The following PARD3 variants were observed in gnomAD, a reference collection of about 807,000 sequenced individuals.
PARD3 encodes partitioning defective 3 homolog.
In PARD3, 75 loss-of-function variants were observed where a neutral mutation model predicts 155.4. The ratio of observed to expected loss-of-function variants is 0.48; its 90% CI spans 0.40 to 0.58. PARD3 has a LOEUF of 0.58. PARD3 is among the 20% of genes least tolerant of loss of function. PARD3 has a pLI of 0.00. For synonymous variants in PARD3, 576 were observed against 610.5 expected (o/e 0.94, Z 0.83); for missense variants, 1,642 against 1,721.7 (o/e 0.95, Z 0.82).
At chr10:34,319,097 T>TTC (rs1564580211) in intron 19 of PARD3, among the ~76,000 whole-genome samples, 2 of 141,914 alleles carry the variant, frequency 1.4e-5, no homozygotes, top group Non-Finnish European at 3.0e-5. Flanking sequence ...TTTTTTTTTT[T>TTC]TCTTCTTCTT....
intron 2 of PARD3, among the ~76,000 whole-genome samples, chr10:34,631,680 T>C (rs897866920): frequency 6.6e-6 from 1 of 152,246 alleles, no homozygotes; most frequent in Non-Finnish European, 1.5e-5. Flanking sequence ...CTTGGCTTAC[T>C]ACAGCCTCAA....
chr10:34,574,888 C>T (rs1419064631), intron 2 of PARD3, among the ~76,000 whole-genome samples: 1 of 152,208 alleles, frequency 6.6e-6, no homozygotes, highest in Non-Finnish European at 1.5e-5. Context: ...GCTATTCTGG[C>T]ACTACTTGCA....
intron 22 of PARD3, among the ~76,000 whole-genome samples, chr10:34,214,243 C>G (rs913889537): frequency 6.6e-6 from 1 of 151,980 alleles, no homozygotes; most frequent in Admixed American, 6.6e-5. Context: ...AAGTAGAGTA[C>G]CTAAATTTAT....
chr10:34,148,985 A>G (rs186501332), intron 22 of PARD3, among the ~76,000 whole-genome samples: 12 of 152,334 alleles, frequency 7.9e-5, no homozygotes, highest in Admixed American at 7.2e-4. Flanking sequence ...ACCGTTGATC[A>G]TGACACATTT....
At chr10:34,557,877 T>C (rs2085133394) in intron 2 of PARD3, among the ~76,000 whole-genome samples, 1 of 149,280 alleles carries the variant, frequency 6.7e-6, no homozygotes, top group Admixed American at 6.8e-5. Context: ...GAGACTTCAA[T>C]GAGCTATGAT....
At chr10:34,469,952 G>A (rs1012268598) in intron 4 of PARD3, 133 bp downstream of exon 4, 4 of 602,570 alleles carry the variant, frequency 6.6e-6, no homozygotes, top group Non-Finnish European at 1.1e-5. Context: ...TATGAAAGTT[G>A]GTACCACGCT....
chr10:34,145,800 C>T (rs1481417293), intron 22 of PARD3, among the ~76,000 whole-genome samples: 1 of 152,110 alleles, frequency 6.6e-6, no homozygotes, highest in Non-Finnish European at 1.5e-5. Flanking sequence ...ACAATTATGG[C>T]TTTTCTGAAA....
In PARD3 at chr10:34,375,053, A is replaced by AACACACACACACAC. The variant is rs35263377; in HGVS notation, c.1540-65_1540-52dup. ...TGTAATCCTGTGGAAACAACAGGAA[A>AACACACACACACAC]ACACACACACACACACACACACACA... On this transcript the variant is annotated intron_variant, in intron 10 of 24. Coordinates refer to ENST00000374788, the MANE Select transcript of PARD3 (RefSeq NM_001184785.2). The AACACACACACACAC allele has an allele frequency of 5.1e-4, 396 of 783,560 alleles. 2 individuals carry two copies. In the African/African-American group the frequency reaches 6.6e-3, roughly 13 times the overall value. The allele number at this position is 783,560 out of a possible 1,614,324, so 48.5% of individuals were successfully genotyped here.
chr10:34,659,160 C>T (rs920887463), intron 2 of PARD3, among the ~76,000 whole-genome samples: 1 of 152,172 alleles, frequency 6.6e-6, no homozygotes, highest in African/African-American at 2.4e-5. Context: ...CTGCACCTCC[C>T]AAGAGGCTCT....
intron 2 of PARD3, among the ~76,000 whole-genome samples, chr10:34,619,016 A>G (rs1284605811): frequency 6.6e-6 from 1 of 151,378 alleles, no homozygotes; most frequent in Non-Finnish European, 1.5e-5. Context: ...TGGATGCTCT[A>G]GAGTTCACCA....
intron 9 of PARD3, among the ~76,000 whole-genome samples, chr10:34,380,130 C>T (rs1424612669): frequency 1.3e-5 from 2 of 152,076 alleles, no homozygotes; most frequent in South Asian, 4.1e-4. Flanking sequence ...CTCCTACATT[C>T]ATTATTATTA....
chr10:34,364,875 C>G (rs544150178), intron 12 of PARD3, among the ~76,000 whole-genome samples: 1 of 152,262 alleles, frequency 6.6e-6, no homozygotes, highest in South Asian at 2.1e-4. Flanking sequence ...ATAAATCAAC[C>G]TCCAAGTACA....
intron 2 of PARD3, among the ~76,000 whole-genome samples, chr10:34,526,428 C>T (rs989877612): frequency 2.0e-5 from 3 of 152,334 alleles, no homozygotes; most frequent in African/African-American, 7.2e-5. Context: ...AACCCAGAAA[C>T]ATAGCAGGAC....
intron 22 of PARD3, among the ~76,000 whole-genome samples, chr10:34,187,220 T>C (rs915211642): frequency 2.0e-5 from 3 of 152,166 alleles, no homozygotes; most frequent in African/African-American, 7.2e-5. Flanking sequence ...CATTTAGAGA[T>C]GCTTTAATAG....
intron 2 of PARD3, among the ~76,000 whole-genome samples, chr10:34,557,674 T>C (rs1480288833): frequency 6.6e-6 from 1 of 151,372 alleles, no homozygotes; most frequent in Non-Finnish European, 1.5e-5. Flanking sequence ...CCCAGGCTGG[T>C]CTCAAACTCC....
chr10:34,509,076 G>A (rs950800350), intron 3 of PARD3, among the ~76,000 whole-genome samples: 1 of 152,038 alleles, frequency 6.6e-6, no homozygotes, highest in Admixed American at 6.6e-5. Context: ...TATTACAAAG[G>A]AGTATCTGCA....
intron 22 of PARD3, among the ~76,000 whole-genome samples, chr10:34,142,026 A>G (rs965791178): frequency 2.0e-5 from 3 of 152,296 alleles, no homozygotes; most frequent in Admixed American, 6.5e-5. Flanking sequence ...CCATATTCGA[A>G]TAAGAGTGAC....
Position 34,111,254 on chromosome 10 carries a change from C to T in PARD3, c.3977G>A (p.Arg1326Gln), listed in dbSNP as rs200760245. ...AGAAGGGGAGGGGGGCACATCTTGCCGGAAGGGCCCCTTGGGAGGGGCGTA... is the reference window on the plus strand; with the variant it reads ...AGAAGGGGAGGGGGGCACATCTTGCTGGAAGGGCCCCTTGGGAGGGGCGTA... ...PSYAPPKGPF[R>Q]QDVPPSPSQV... Residue 1326 changes from arginine to glutamine, a missense_variant, in exon 25 of 25, where the codon CGG becomes CAG. Physicochemically the swap from Arg to Gln is conservative, Grantham distance 43. Coordinates refer to ENST00000374788, the MANE Select transcript of PARD3 (RefSeq NM_001184785.2). 91 of 1,612,850 alleles carry T rather than the reference C, an allele frequency of 5.6e-5. No individual in the cohort carries two copies. Among genetic ancestry groups the T allele is most frequent in the Middle Eastern group, 1.6e-4 (1 of 6,078 alleles).
chr10:34,412,882 T>A (rs971211572), intron 5 of PARD3, among the ~76,000 whole-genome samples: 3 of 152,088 alleles, frequency 2.0e-5, no homozygotes, highest in Non-Finnish European at 4.4e-5. Flanking sequence ...AAACAAATGA[T>A]ACATAGGCCA....
Sources: allele counts gnomAD v4.1 joint callset (sites outside exome capture counted in the v4.1 genomes callset), GRCh38; gene constraint gnomAD v4.1.1; transcripts MANE v1.5; gene names NCBI Gene and HGNC (gene_info 2026-07-23, HGNC 2026-07-21).